Variants in HMBOX1 observed in about 807,000 individuals in gnomAD.
HMBOX1 encodes homeobox-containing protein 1.
HMBOX1 carries 14 observed loss-of-function variants against 54.5 expected under a neutral mutation model. That is an observed-to-expected ratio of 0.26 (90% CI 0.17 to 0.40). The LOEUF (loss-of-function observed/expected upper bound fraction) is 0.40. HMBOX1 is among the 10% of genes least tolerant of loss of function. The pLI is 1.00. For synonymous variants in HMBOX1, 160 were observed against 181.0 expected (o/e 0.88, Z 0.93); for missense variants, 332 against 514.4 (o/e 0.65, Z 3.43).
At chr8:29,014,272 A>G (rs562081058) in intron 5 of HMBOX1, among the ~76,000 whole-genome samples, 15 of 63,028 alleles carry the variant, frequency 2.4e-4, no homozygotes, top group African/African-American at 8.2e-4. Flanking sequence ...GATGGGGGGA[A>G]AAAAGATTTC....
intron 1 of HMBOX1, among the ~76,000 whole-genome samples, chr8:28,896,324 A>G (rs1812103478): frequency 6.6e-6 from 1 of 152,240 alleles, no homozygotes; most frequent in African/African-American, 2.4e-5. Flanking sequence ...CAATATTAAA[A>G]CCAGGAAATT....
chr8:28,951,068 T>G (rs1413565525), intron 1 of HMBOX1, among the ~76,000 whole-genome samples: 1 of 152,218 alleles, frequency 6.6e-6, no homozygotes, highest in African/African-American at 2.4e-5. Flanking sequence ...ATGTGATGTT[T>G]TAACCTCTTC....
At chr8:28,910,943 C>T (rs1384475196) in intron 1 of HMBOX1, among the ~76,000 whole-genome samples, 1 of 152,152 alleles carries the variant, frequency 6.6e-6, no homozygotes, top group African/African-American at 2.4e-5. Context: ...CCTTACTCTG[C>T]TTCAGCTCTA....
chr8:28,926,302 T>TACACACACACACACAC (rs548652349), intron 1 of HMBOX1, among the ~76,000 whole-genome samples: 1 of 143,528 alleles, frequency 7.0e-6, no homozygotes, highest in African/African-American at 2.7e-5. Flanking sequence ...TATATATATA[T>TACACACACACACACAC]ATACACACAC....
chr8:28,922,707 G>A (rs185569839), intron 1 of HMBOX1, among the ~76,000 whole-genome samples: 3 of 152,092 alleles, frequency 2.0e-5, no homozygotes, highest in Non-Finnish European at 4.4e-5. Flanking sequence ...TTCTTAATCT[G>A]TAATGGAGAC....
chr8:28,907,055 G>A lies in HMBOX1; in HGVS notation c.-58+16377G>A, dbSNP rs969889195. ...AAATTATTTGAAAAATAATTAAATG[G>A]CTTTATGGCAGGAATTAATTTCTTT... On this transcript the variant is annotated intron_variant, in intron 1 of 9. Coordinates refer to ENST00000287701, the MANE Select transcript of HMBOX1 (RefSeq NM_001135726.3). 2.0e-5 allele frequency among the ~76,000 whole-genome samples: 3 copies of A among 151,920 alleles called. 1 individual carries two copies. The highest frequency in any genetic ancestry group is 4.4e-5 in the Non-Finnish European group (3 of 67,984).
At chr8:28,938,086 G>A (rs1057386515) in intron 1 of HMBOX1, among the ~76,000 whole-genome samples, 1 of 152,066 alleles carries the variant, frequency 6.6e-6, no homozygotes, top group Non-Finnish European at 1.5e-5. Context: ...GTCTGGTATT[G>A]CAGGCCTCCT....
rs533901116 is a variant in HMBOX1, at chr8:28,938,035, A to T, written c.-57-25776A>T. Among the ~76,000 whole-genome samples, 12 of 152,308 alleles carry T rather than the reference A, an allele frequency of 7.9e-5. No homozygotes were observed. In the South Asian group the frequency reaches 1.9e-3, roughly 24 times the overall value. On this transcript the variant is annotated intron_variant, in intron 1 of 9. Transcript: ENST00000287701. ...ACCTTTATTAATTTAAGCCAGGATA[A>T]CAGGCTTTTGTTTCAATTTGTCATA...
chr8:28,971,343 G>C (rs375449602), intron 3 of HMBOX1, among the ~76,000 whole-genome samples: 2 of 151,912 alleles, frequency 1.3e-5, no homozygotes, highest in Non-Finnish European at 1.5e-5. Context: ...CACCCGCCTC[G>C]GCCTCCCAAA....
chr8:28,942,008 C>T (rs1040217833), intron 1 of HMBOX1, among the ~76,000 whole-genome samples: 10 of 152,170 alleles, frequency 6.6e-5, no homozygotes, highest in African/African-American at 1.7e-4. Context: ...GAAGTCCATC[C>T]GCCCTCAGGC....
intron 1 of HMBOX1, among the ~76,000 whole-genome samples, chr8:28,926,304 TACACAC>T (rs10699056): frequency 7.0e-6 from 1 of 142,138 alleles, no homozygotes; most frequent in Non-Finnish European, 1.5e-5. Context: ...TATATATATA[TACACAC>T]ACACACACAC....
At chr8:29,017,594 T>C (rs1268049256) in intron 5 of HMBOX1, among the ~76,000 whole-genome samples, 1 of 152,178 alleles carries the variant, frequency 6.6e-6, no homozygotes, top group African/African-American at 2.4e-5. Context: ...ATTAGAGAAG[T>C]GAAAGATTAA....
At chr8:28,966,353 A>G (rs1233618504) in intron 2 of HMBOX1, among the ~76,000 whole-genome samples, 1 of 152,204 alleles carries the variant, frequency 6.6e-6, no homozygotes, top group Non-Finnish European at 1.5e-5. Context: ...ACTGTCTGTT[A>G]TTACAGTGGT....
chr8:28,960,765 CTTTTTTTTTTTTTTTTTTTTTTT>C (rs1162477676), intron 1 of HMBOX1, among the ~76,000 whole-genome samples: 4 of 16,260 alleles, frequency 2.5e-4, no homozygotes, highest in Non-Finnish European at 5.3e-4. Context: ...TTTTCTTTTT[CTTTTTTTTTTTTTTTTTTTTTTT>C]TTTTTTTTTT....
chr8:28,939,134 A>G (rs899488031), intron 1 of HMBOX1, among the ~76,000 whole-genome samples: 1 of 152,046 alleles, frequency 6.6e-6, no homozygotes, highest in African/African-American at 2.4e-5. Context: ...TACTAAATAC[A>G]AAAAATTAGC....
chr8:28,952,400 A>C (rs779097457), intron 1 of HMBOX1, among the ~76,000 whole-genome samples: 51 of 151,872 alleles, frequency 3.4e-4, no homozygotes, highest in Non-Finnish European at 6.3e-4. Context: ...CTTCCGGCTA[A>C]TTTTTGTATT....
chr8:29,024,408 G>A (rs559045367), intron 6 of HMBOX1, among the ~76,000 whole-genome samples: 4 of 152,258 alleles, frequency 2.6e-5, no homozygotes, highest in Middle Eastern at 3.4e-3. Flanking sequence ...TAATTATACC[G>A]TAAGTGTTGG....
At chr8:28,925,328 C>CT (rs1818261636) in intron 1 of HMBOX1, among the ~76,000 whole-genome samples, 1 of 152,156 alleles carries the variant, frequency 6.6e-6, no homozygotes, top group Middle Eastern at 3.2e-3. Flanking sequence ...CCAAGGTTTG[C>CT]ATCTGATCAG....
In HMBOX1 at chr8:28,890,601, T is replaced by G. The variant is rs1810691748; in HGVS notation, c.-135T>G. The G allele has an allele frequency of 6.5e-6, 1 of 152,714 alleles. No individual in the cohort carries two copies. The allele number at this position is 152,714 out of a possible 1,614,324, so 9.5% of individuals were successfully genotyped here. A position where few individuals can be genotyped will look rare whatever the true frequency, so the allele number is the denominator to read the frequency against. On this transcript the variant is annotated 5_prime_UTR_variant, in exon 1 of 10. Transcript: ENST00000287701. ...CCCCTCCCCCTCCCGCCTTCCCTCC[T>G]CCCTATCTCAGCCCTTCGTACTGGG...
Sources: gnomAD v4.1 joint callset for allele counts (sites outside exome capture counted in the v4.1 genomes callset) on GRCh38, gnomAD v4.1.1 for gene constraint, MANE v1.5 for transcripts, NCBI Gene and HGNC (gene_info 2026-07-23, HGNC 2026-07-21) for gene names.